Variants in TASP1 observed in about 807,000 individuals in gnomAD.
The protein encoded by TASP1 is taspase 1, also known as threonine aspartase 1.
Under a neutral mutation model 56.6 loss-of-function variants are expected in TASP1, and 16 were observed. That is an observed-to-expected ratio of 0.28 (90% CI 0.19 to 0.43). TASP1 has a LOEUF of 0.43. Ranked by LOEUF, TASP1 falls within the 20% of genes least tolerant of loss-of-function variation. The probability of loss-of-function intolerance (pLI) is 1.00; values close to 1 mark genes in which losing one functional copy is unlikely to be tolerated. For synonymous variants in TASP1, 179 were observed against 184.2 expected, an observed-to-expected ratio of 0.97 and a Z score of 0.23; for missense variants, 393 against 511.6, an observed-to-expected ratio of 0.77 and a Z score of 2.24.
the TASP1 span, among the ~76,000 whole-genome samples, chr20:13,251,850 T>C: frequency 6.6e-6 from 1 of 152,300 alleles, no homozygotes; most frequent in Admixed American, 6.5e-5. Context: ...GGAGCCGAAC[T>C]CTTAGTAACT....
At chr20:13,597,226 C>T (rs574271199) in intron 4 of TASP1, among the ~76,000 whole-genome samples, 13 of 152,258 alleles carry the variant, frequency 8.5e-5, no homozygotes, top group African/African-American at 2.9e-4. Context: ...GGAGACACAA[C>T]AGAAGAAGAG....
the TASP1 span, among the ~76,000 whole-genome samples, chr20:13,336,883 A>T: frequency 6.6e-6 from 1 of 152,098 alleles, no homozygotes; most frequent in Admixed American, 6.5e-5. Context: ...CAGTTGGGGG[A>T]TTCCCAGTTT....
intron 11 of TASP1, among the ~76,000 whole-genome samples, chr20:13,464,044 AC>A: frequency 6.6e-6 from 1 of 152,324 alleles, no homozygotes; most frequent in African/African-American, 2.4e-5. Flanking sequence ...AGATATTTGT[AC>A]ACCCATATTA....
chr20:13,146,420 C>CTAAAAT, the TASP1 span, among the ~76,000 whole-genome samples: 5 of 152,106 alleles, frequency 3.3e-5, no homozygotes, highest in African/African-American at 1.2e-4. Flanking sequence ...ACCCCGAAAC[C>CTAAAAT]TAAAATTAAA....
chr20:13,398,971 C>G lies in TASP1; in HGVS notation c.1171-8519G>C, dbSNP rs555898604. ...TAATCAGCTTTTTGCTTTCACCTCT[C>G]CACCAAAACCCCTCTTTATCAAAAT... On this transcript the variant is annotated intron_variant, in intron 13 of 13. Transcript: ENST00000337743. Among the ~76,000 whole-genome samples, 16 of 152,320 alleles carry G rather than the reference C, an allele frequency of 1.1e-4. No homozygotes were observed. In the East Asian group the frequency reaches 3.1e-3, roughly 29 times the overall value.
At chr20:13,518,276 A>C (rs554102759) in intron 10 of TASP1, among the ~76,000 whole-genome samples, 1 of 152,238 alleles carries the variant, frequency 6.6e-6, no homozygotes, top group African/African-American at 2.4e-5. Context: ...AAGTGGACTA[A>C]AGAGTCTGGA....
At chr20:13,273,745 G>A in the TASP1 span, among the ~76,000 whole-genome samples, 1 of 152,292 alleles carries the variant, frequency 6.6e-6, no homozygotes, top group East Asian at 1.9e-4. Flanking sequence ...CCTAGCTACT[G>A]TCAAAGTCAA....
At chr20:13,530,668 A>G (rs2045186594) in intron 9 of TASP1, among the ~76,000 whole-genome samples, 1 of 152,188 alleles carries the variant, frequency 6.6e-6, no homozygotes. Flanking sequence ...AGAAAAGAAC[A>G]TTTACACTTA....
chr20:13,267,802 G>A, the TASP1 span, among the ~76,000 whole-genome samples: 1 of 152,200 alleles, frequency 6.6e-6, no homozygotes, highest in Non-Finnish European at 1.5e-5. Context: ...GGAAAGGAAA[G>A]AGAGCCTCAT....
chr20:13,567,195 A>G (rs1332301423), intron 7 of TASP1, among the ~76,000 whole-genome samples: 2 of 152,028 alleles, frequency 1.3e-5, no homozygotes, highest in Non-Finnish European at 2.9e-5. Context: ...GCATGCTCTC[A>G]CTTATAAGTG....
At chr20:13,241,673 G>C in the TASP1 span, among the ~76,000 whole-genome samples, 1 of 152,292 alleles carries the variant, frequency 6.6e-6, no homozygotes, top group African/African-American at 2.4e-5. Flanking sequence ...TTTGAGGAGA[G>C]AAGATATAAA....
At chr20:13,108,074 C>T in the TASP1 span, among the ~76,000 whole-genome samples, 8 of 152,088 alleles carry the variant, frequency 5.3e-5, no homozygotes, top group African/African-American at 1.4e-4. Flanking sequence ...TTTCAGGACC[C>T]GATACCCAGT....
chr20:13,406,088 T>G (rs1475774688), intron 13 of TASP1, among the ~76,000 whole-genome samples: 1 of 152,204 alleles, frequency 6.6e-6, no homozygotes, highest in Non-Finnish European at 1.5e-5. Context: ...AGCTTAACAG[T>G]AGGTCTTAAA....
At chr20:13,125,478 G>A in the TASP1 span, among the ~76,000 whole-genome samples, 3 of 152,150 alleles carry the variant, frequency 2.0e-5, no homozygotes, top group Non-Finnish European at 4.4e-5. Context: ...TTTTTGCTGT[G>A]TAACAAACCA....
At chr20:13,549,724 G>A (rs967289599) in intron 8 of TASP1, among the ~76,000 whole-genome samples, 1 of 151,974 alleles carries the variant, frequency 6.6e-6, no homozygotes, top group Admixed American at 6.6e-5. Flanking sequence ...GCTACAAGGT[G>A]GTGACTTGAT....
intron 11 of TASP1, among the ~76,000 whole-genome samples, chr20:13,446,245 G>A (rs1292210661): frequency 6.6e-6 from 1 of 152,034 alleles, no homozygotes; most frequent in Non-Finnish European, 1.5e-5. Context: ...TTCCAGTGTA[G>A]TAAAGAAATA....
At chr20:13,562,559 A>C (rs1409936978) in intron 7 of TASP1, among the ~76,000 whole-genome samples, 2 of 152,156 alleles carry the variant, frequency 1.3e-5, no homozygotes, top group Non-Finnish European at 2.9e-5. Flanking sequence ...AAGTGGGGAC[A>C]TTACTACTGA....
chr20:13,164,058 C>T, the TASP1 span, among the ~76,000 whole-genome samples: 2 of 152,126 alleles, frequency 1.3e-5, no homozygotes, highest in Non-Finnish European at 2.9e-5. Flanking sequence ...TCCCCACTCC[C>T]CCCATCCCAC....
the TASP1 span, chr20:13,154,123 T>C: frequency 6.2e-7 from 1 of 1,614,150 alleles, no homozygotes; most frequent in Non-Finnish European, 8.5e-7. Context: ...CTTCTTTATA[T>C]GCCTGGTAAA....
Sources: allele counts gnomAD v4.1 joint callset (sites outside exome capture counted in the v4.1 genomes callset), GRCh38; gene constraint gnomAD v4.1.1; transcripts MANE v1.5; gene names NCBI Gene and HGNC (gene_info 2026-07-23, HGNC 2026-07-21).